The following CNTN4 variants were observed in gnomAD, a reference collection of about 807,000 sequenced individuals.
CNTN4 encodes contactin-4.
CNTN4 carries 77 observed loss-of-function variants against 122.5 expected under a neutral mutation model. That is an observed-to-expected ratio of 0.63 (90% confidence interval 0.52 to 0.76). The LOEUF (loss-of-function observed/expected upper bound fraction) is 0.76, where lower values mean the gene tolerates loss of function less well. CNTN4 is among the 30% of genes least tolerant of loss of function. CNTN4 has a pLI of 0.00. For synonymous variants in CNTN4, 512 were observed against 447.0 expected (o/e 1.15, Z -1.83); for missense variants, 1,256 against 1,259.1 (o/e 1.00, Z 0.04).
chr3:2,585,596 A>G (rs1355412410), intron 4 of CNTN4, among the ~76,000 whole-genome samples: 1 of 150,516 alleles, frequency 6.6e-6, no homozygotes, highest in Non-Finnish European at 1.5e-5. Flanking sequence ...TGGACAAAAA[A>G]CCAAACACTG....
intron 3 of CNTN4, among the ~76,000 whole-genome samples, chr3:2,550,630 A>G (rs887349833): frequency 3.9e-5 from 6 of 152,184 alleles, no homozygotes; most frequent in African/African-American, 1.4e-4. Context: ...AAACCATTCT[A>G]CTATAAAGAC....
At chr3:2,221,483 G>T (rs990559896) in intron 2 of CNTN4, among the ~76,000 whole-genome samples, 4 of 151,268 alleles carry the variant, frequency 2.6e-5, no homozygotes, top group African/African-American at 9.7e-5. Flanking sequence ...TATGACGTTG[G>T]ATTAGGCATT....
intron 19 of CNTN4, chr3:3,039,485 A>G (rs1699944912): frequency 1.1e-5 from 2 of 177,344 alleles, no homozygotes; most frequent in Admixed American, 5.4e-5. Context: ...TTGAGAGAAG[A>G]GGTGGGAGCT....
intron 12 of CNTN4, among the ~76,000 whole-genome samples, chr3:2,910,480 T>C (rs1180849462): frequency 6.6e-6 from 1 of 152,130 alleles, no homozygotes; most frequent in African/African-American, 2.4e-5. Flanking sequence ...AGAAGAAAAG[T>C]TTGCATCTTC....
intron 3 of CNTN4, among the ~76,000 whole-genome samples, chr3:2,364,340 A>G (rs761484964): frequency 6.6e-6 from 1 of 152,170 alleles, no homozygotes; most frequent in Non-Finnish European, 1.5e-5. Context: ...GAAAGTTCCA[A>G]CATAGTCATC....
At chr3:2,646,613 G>A (rs560118786) in intron 4 of CNTN4, among the ~76,000 whole-genome samples, 1 of 152,276 alleles carries the variant, frequency 6.6e-6, no homozygotes, top group South Asian at 2.1e-4. Context: ...CTATTAGTAA[G>A]TGTAAGAGTG....
intron 14 of CNTN4, among the ~76,000 whole-genome samples, chr3:3,016,412 G>T (rs1697760852): frequency 6.6e-6 from 1 of 152,104 alleles, no homozygotes; most frequent in African/African-American, 2.4e-5. Flanking sequence ...TTTGCATTTA[G>T]AAAGACTTCC....
intron 2 of CNTN4, among the ~76,000 whole-genome samples, chr3:2,193,986 C>T (rs928657011): frequency 2.0e-5 from 3 of 152,142 alleles, no homozygotes; most frequent in African/African-American, 7.2e-5. Flanking sequence ...TGATACATTT[C>T]TCAAAACACA....
chr3:2,845,135 A>AC (rs1412724971), intron 7 of CNTN4, among the ~76,000 whole-genome samples: 1 of 152,172 alleles, frequency 6.6e-6, no homozygotes, highest in Non-Finnish European at 1.5e-5. Context: ...CTCAAGAAAA[A>AC]CAAGCCAATA....
In CNTN4 at chr3:2,380,269, G is replaced by C. The variant is rs185342482; in HGVS notation, c.-89+41036G>C. Reference sequence around the variant, plus strand: ...TATGTAAAATTTAGATATTGGCAGCGTATCTCAGCCTCAATGGTAACATTA... The same window carrying C: ...TATGTAAAATTTAGATATTGGCAGCCTATCTCAGCCTCAATGGTAACATTA... On this transcript the variant is annotated intron_variant, in intron 3 of 24. Coordinates refer to ENST00000418658, the MANE Select transcript of CNTN4 (RefSeq NM_175607.3). 5.3e-5 allele frequency among the ~76,000 whole-genome samples: 8 copies of C among 152,180 alleles called. No individual in the cohort carries two copies. In the East Asian group the frequency reaches 1.5e-3, roughly 29 times the overall value.
chr3:2,803,109 C>G (rs2092386539), intron 6 of CNTN4, among the ~76,000 whole-genome samples: 2 of 152,104 alleles, frequency 1.3e-5, no homozygotes, highest in South Asian at 4.1e-4. Context: ...AAATAAAAAT[C>G]CTTTATATAA....
chr3:2,773,440 G>T (rs1219963534), intron 6 of CNTN4, among the ~76,000 whole-genome samples: 2 of 152,122 alleles, frequency 1.3e-5, no homozygotes, highest in African/African-American at 4.8e-5. Context: ...TAAGTAGTGG[G>T]TAGGGAAGGG....
intron 4 of CNTN4, among the ~76,000 whole-genome samples, chr3:2,705,833 T>C (rs1340655873): frequency 9.6e-6 from 1 of 103,712 alleles, no homozygotes; most frequent in African/African-American, 4.1e-5. Flanking sequence ...AATAAATATA[T>C]ATAATATATA....
At chr3:2,124,454 ACACACACACACACACACACC>A (rs1252488175) in intron 2 of CNTN4, among the ~76,000 whole-genome samples, 1 of 148,594 alleles carries the variant, frequency 6.7e-6, no homozygotes, top group Non-Finnish European at 1.5e-5. Flanking sequence ...ACACACACAC[ACACACACACACACACACACC>A]CCCTTAAGCA....
chr3:3,049,752 C>T (rs1701061724), intron 23 of CNTN4, among the ~76,000 whole-genome samples: 1 of 152,140 alleles, frequency 6.6e-6, no homozygotes. Flanking sequence ...GGGAATGTCC[C>T]AAGTACTGCA....
At chr3:2,101,082 C>T (rs2031909756) in intron 2 of CNTN4, among the ~76,000 whole-genome samples, 1 of 152,198 alleles carries the variant, frequency 6.6e-6, no homozygotes, top group South Asian at 2.1e-4. Flanking sequence ...CAATGCAGTA[C>T]CTTTTTCCAT....
chr3:2,980,941 G>C (rs1462844384), intron 13 of CNTN4, among the ~76,000 whole-genome samples: 2 of 152,102 alleles, frequency 1.3e-5, no homozygotes, highest in African/African-American at 4.8e-5. Context: ...CCTGTTGTCT[G>C]CTTCTTGCTG....
intron 4 of CNTN4, among the ~76,000 whole-genome samples, chr3:2,624,887 C>G (rs969265126): frequency 6.6e-6 from 1 of 151,984 alleles, no homozygotes; most frequent in Non-Finnish European, 1.5e-5. Context: ...CCCACCTCGG[C>G]CTCCTAGAGT....
intron 3 of CNTN4, among the ~76,000 whole-genome samples, chr3:2,481,949 T>C (rs1355646816): frequency 6.6e-6 from 1 of 152,192 alleles, no homozygotes; most frequent in Non-Finnish European, 1.5e-5. Context: ...CTTTTCTTTA[T>C]AAAATACTCA....
Sources: gnomAD v4.1 joint callset for allele counts (sites outside exome capture counted in the v4.1 genomes callset) on GRCh38, gnomAD v4.1.1 for gene constraint, MANE v1.5 for transcripts, NCBI Gene and HGNC (gene_info 2026-07-23, HGNC 2026-07-21) for gene names.